Variants in PDE8B observed in about 807,000 individuals in gnomAD.
The protein encoded by PDE8B is phosphodiesterase 8B, also known as high affinity cAMP-specific and IBMX-insensitive 3',5'-cyclic phosphodiesterase 8B.
PDE8B carries 26 observed loss-of-function variants against 101.3 expected under a neutral mutation model. The ratio of observed to expected loss-of-function variants is 0.26; its 90% CI spans 0.19 to 0.36. The LOEUF is 0.36. PDE8B is among the 10% of genes least tolerant of loss of function. The probability of loss-of-function intolerance (pLI) is 1.00; values close to 1 mark genes in which losing one functional copy is unlikely to be tolerated. For missense variants in PDE8B, 810 were observed against 1,163.1 expected (o/e 0.70, Z 4.42); for synonymous variants, 424 against 429.3 (o/e 0.99, Z 0.15).
intron 10 of PDE8B, among the ~76,000 whole-genome samples, chr5:77,380,860 A>G (rs1787315046): frequency 6.6e-6 from 1 of 152,230 alleles, no homozygotes; most frequent in African/African-American, 2.4e-5. Flanking sequence ...TGGGCAGGAA[A>G]TATCCGGGAA....
chr5:77,297,134 C>G (rs974858981), intron 1 of PDE8B, among the ~76,000 whole-genome samples: 1 of 152,144 alleles, frequency 6.6e-6, no homozygotes. Context: ...AGAAAGCAAG[C>G]GGAATTCATC....
chr5:77,402,001 T>C (rs948949877), intron 11 of PDE8B, among the ~76,000 whole-genome samples: 1 of 152,230 alleles, frequency 6.6e-6, no homozygotes, highest in African/African-American at 2.4e-5. Context: ...AACCTCTCTT[T>C]TAGTTTTGTT....
At chr5:77,135,987 T>C in the PDE8B span, among the ~76,000 whole-genome samples, 229 of 152,286 alleles carry the variant, frequency 1.5e-3, no homozygotes, top group African/African-American at 5.1e-3. Context: ...ATCAAGCTTC[T>C]AATTTTCCTA....
the PDE8B span, among the ~76,000 whole-genome samples, chr5:77,127,987 C>G: frequency 6.6e-6 from 1 of 152,150 alleles, no homozygotes. Flanking sequence ...TGCAGGAGAT[C>G]AAATTCTTTT....
chr5:77,223,314 A>G (rs1580404954), intron 1 of PDE8B, among the ~76,000 whole-genome samples: 3 of 151,178 alleles, frequency 2.0e-5, no homozygotes, highest in Admixed American at 2.0e-4. Context: ...TACATGTGCC[A>G]TGCTGGTGTG....
At chr5:77,116,224 A>ATATATTTTTTTTTT in the PDE8B span, among the ~76,000 whole-genome samples, 1 of 59,610 alleles carries the variant, frequency 1.7e-5, no homozygotes, top group African/African-American at 7.2e-5. Flanking sequence ...ATATATATAT[A>ATATATTTTTTTTTT]TTTTTTTTTT....
chr5:77,426,338 G>A, intron 21 of PDE8B, 107 bp from the exon 22 acceptor site: 3 of 742,892 alleles, frequency 4.0e-6, no homozygotes, highest in Non-Finnish European at 7.3e-6. Flanking sequence ...CCCAGGGTGT[G>A]CCTCCTCTAA....
chr5:77,283,708 T>C (rs1268460460), intron 1 of PDE8B, among the ~76,000 whole-genome samples: 1 of 152,232 alleles, frequency 6.6e-6, no homozygotes, highest in African/African-American at 2.4e-5. Flanking sequence ...ATCATTAGAA[T>C]GTACCACAGT....
At chr5:77,161,261 C>T in the PDE8B span, among the ~76,000 whole-genome samples, 8 of 152,142 alleles carry the variant, frequency 5.3e-5, no homozygotes, top group East Asian at 1.9e-4. Context: ...TTACTTTTTT[C>T]CTATTCTTGG....
chr5:77,343,175 AG>A (rs1779524744), intron 6 of PDE8B, among the ~76,000 whole-genome samples: 1 of 152,212 alleles, frequency 6.6e-6, no homozygotes, highest in South Asian at 2.1e-4. Context: ...TTGAAAGATT[AG>A]TTTTTTTCCC....
intron 1 of PDE8B, among the ~76,000 whole-genome samples, chr5:77,285,166 G>A (rs549057162): frequency 6.6e-6 from 1 of 152,122 alleles, no homozygotes; most frequent in Non-Finnish European, 1.5e-5. Flanking sequence ...TTCCTACCCC[G>A]AAGTCATGAA....
chr5:77,147,883 T>A, the PDE8B span: 1 of 152,222 alleles, frequency 6.6e-6, no homozygotes, highest in Non-Finnish European at 1.5e-5. Flanking sequence ...AAAAGGCTAT[T>A]GTCTCATGAA....
chr5:77,420,185 T>C (rs1480218108), intron 19 of PDE8B, among the ~76,000 whole-genome samples: 1 of 152,108 alleles, frequency 6.6e-6, no homozygotes, highest in Non-Finnish European at 1.5e-5. Context: ...TAAATGGTGG[T>C]ATTTTAGAGA....
At chr5:77,127,301 G>A in the PDE8B span, among the ~76,000 whole-genome samples, 17 of 152,202 alleles carry the variant, frequency 1.1e-4, no homozygotes, top group Middle Eastern at 0.01. Flanking sequence ...TGCTGTTCTC[G>A]TGATAATGAG....
At chr5:77,415,157 A>G (rs1795268087) in intron 17 of PDE8B, among the ~76,000 whole-genome samples, 2 of 152,112 alleles carry the variant, frequency 1.3e-5, no homozygotes, top group Admixed American at 1.3e-4. Context: ...ACTGAGCTGG[A>G]AGGGGTTTCT....
At chr5:77,304,918 A>G (rs1442723587) in intron 1 of PDE8B, among the ~76,000 whole-genome samples, 1 of 152,192 alleles carries the variant, frequency 6.6e-6, no homozygotes, top group Non-Finnish European at 1.5e-5. Flanking sequence ...CTGGAAATGA[A>G]CACAGATAGC....
At chr5:77,317,913 C>T (rs576453897) in intron 2 of PDE8B, among the ~76,000 whole-genome samples, 23 of 151,840 alleles carry the variant, frequency 1.5e-4, no homozygotes, top group Admixed American at 1.1e-3. Flanking sequence ...AAAAATTAGT[C>T]GGGTGTGGTG....
intron 5 of PDE8B, 152 bp downstream of exon 5, chr5:77,331,611 A>C (rs9687030): frequency 1.4e-6 from 1 of 724,580 alleles, no homozygotes; most frequent in Non-Finnish European, 2.5e-6. Flanking sequence ...TCTCATGGGA[A>C]AGTAACGAGC....
intron 10 of PDE8B, among the ~76,000 whole-genome samples, 184 bp from the exon 11 acceptor site, chr5:77,400,064 A>G (rs543396856): frequency 6.6e-6 from 1 of 152,334 alleles, no homozygotes; most frequent in South Asian, 2.1e-4. Context: ...AAGTGTCTGA[A>G]AGTAACAGAG....
Sources: allele counts gnomAD v4.1 joint callset (sites outside exome capture counted in the v4.1 genomes callset), GRCh38; gene constraint gnomAD v4.1.1; transcripts MANE v1.5; gene names NCBI Gene and HGNC (gene_info 2026-07-23, HGNC 2026-07-21).